The following TMEM205 variants were observed in gnomAD, a reference collection of about 807,000 sequenced individuals.
The protein encoded by TMEM205 is transmembrane protein 205, also known as MBC3205.
Under a neutral mutation model 17.9 loss-of-function variants are expected in TMEM205, and 11 were observed. That is an observed-to-expected ratio of 0.61 (90% confidence interval 0.39 to 1.02). The LOEUF (loss-of-function observed/expected upper bound fraction) is 1.02. TMEM205 is among the 50% of genes least tolerant of loss of function. The pLI is 0.01. For synonymous variants in TMEM205, 86 were observed against 97.4 expected (o/e 0.88, Z 0.69); for missense variants, 236 against 239.4 (o/e 0.99, Z 0.09).
chr19:11,345,354 G>C lies in TMEM205; in HGVS notation c.162C>G (p.Phe54Leu). ...CCATGGAGATGTGGAAGTAGAAGGG[G>C]AAGAGTTTGCTCTGCACTAGTCCGA... is the stretch of plus-strand genomic sequence containing the variant. The part of the protein sequence containing the change: ...HTFGLVQSKL[F>L]PFYFHISMGC... Residue 54 changes from phenylalanine (F) to leucine (L), a missense_variant, in exon 2 of 3, where the codon TTC (phenylalanine) becomes TTG (leucine). By Grantham distance (22) the Phe-to-Leu change is conservative (BLOSUM62 0). Transcript: ENST00000354882. 1 of 1,614,222 alleles carries C rather than the reference G, an allele frequency of 6.2e-7. No individual in the cohort carries two copies. Among genetic ancestry groups the C allele is most frequent in the East Asian group, 2.2e-5 (1 of 44,892 alleles).
chr19:11,345,162 T>G (rs1036477590), intron 2 of TMEM205, 90 bp downstream of exon 2: 1 of 1,419,548 alleles, frequency 7.0e-7, no homozygotes, highest in Non-Finnish European at 9.6e-7. Context: ...AGCCTTTTTT[T>G]TTCCCCCCCT....
At chr19:11,344,178 C>T (rs1039179955) in intron 2 of TMEM205, among the ~76,000 whole-genome samples, 20 of 151,716 alleles carry the variant, frequency 1.3e-4, no homozygotes, top group Admixed American at 7.9e-4. Context: ...CTCCTGACCT[C>T]GTGATCCACC....
At position 11,345,553 on chromosome 19, in the gene TMEM205, A is replaced by C; in HGVS notation, c.67T>G (p.Trp23Gly). The C allele has an allele frequency of 6.2e-7, 1 of 1,614,100 alleles. No homozygotes were observed. Among genetic ancestry groups the C allele is most frequent in the Non-Finnish European group, 8.5e-7 (1 of 1,180,016 alleles). The change falls in exon 1 of 3, where the codon TGG becomes GGG. Residue 23 changes from tryptophan (W) to glycine (G), a missense_variant. By Grantham distance (184) the Trp-to-Gly change is radical (BLOSUM62 -2). Transcript: ENST00000354882. ...MVHLLVLSGA[W>G]GMQMWVTFVS... ...AAGGTCACCCACATTTGCATGCCCC[A>C]GGCACCTGACAAGACCAGTAGATGG...
At position 11,345,426 on chromosome 19, in the gene TMEM205, T is replaced by TG; in HGVS notation, c.101-12dup. On this transcript the variant is annotated splice_polypyrimidine_tract_variant and intron_variant, in intron 1 of 2. Transcript: ENST00000354882. ...GGAAAAGCAGGAAGCCTGCAGGGTA[T>TG]GGGGACCACAGGGGTGTTAGGGCAC... 1 of 1,614,122 alleles carries TG rather than the reference T, an allele frequency of 6.2e-7. No homozygotes were observed. Among genetic ancestry groups the TG allele is most frequent in the East Asian group, 2.2e-5 (1 of 44,886 alleles).
At chr19:11,344,213 G>C (rs945753284) in intron 2 of TMEM205, among the ~76,000 whole-genome samples, 1 of 151,936 alleles carries the variant, frequency 6.6e-6, no homozygotes, top group African/African-American at 2.4e-5. Context: ...AAAGTGCTGG[G>C]ATTACAGGCA....
Position 11,345,699 on chromosome 19 carries a change from C to A in TMEM205, c.-80G>T. ...TGCGTGGCCTTCAGACCCTGTGAGCCCGCTCGGGGACAGGGTTACGGCCAA... is the reference window on the plus strand; with the variant it reads ...TGCGTGGCCTTCAGACCCTGTGAGCACGCTCGGGGACAGGGTTACGGCCAA... On this transcript the variant is annotated 5_prime_UTR_variant, in exon 1 of 3. Transcript: ENST00000354882. The A allele has an allele frequency of 6.3e-7, 1 of 1,577,414 alleles. No individual in the cohort carries two copies. The highest frequency in any genetic ancestry group is 1.9e-5 in the Admixed American group (1 of 53,900).
chr19:11,344,040 G>A (rs954693630), intron 2 of TMEM205, among the ~76,000 whole-genome samples: 4 of 151,228 alleles, frequency 2.6e-5, no homozygotes, highest in Admixed American at 1.3e-4. Context: ...CGCCTCCTGG[G>A]TTCAAGCAAT....
At chr19:11,343,379 C>T (rs1382585998) in intron 2 of TMEM205, among the ~76,000 whole-genome samples, 1 of 152,232 alleles carries the variant, frequency 6.6e-6, no homozygotes, top group Non-Finnish European at 1.5e-5. Flanking sequence ...CCTCCCGAGC[C>T]TCTTCTCCTC....
chr19:11,343,101 C>T lies in TMEM205; in HGVS notation c.284G>A (p.Ser95Asn). Residue 95 changes from serine to asparagine, a missense_variant, in exon 3 of 3, where the codon AGC (serine) becomes AAC (asparagine). Transcript: ENST00000354882. ...EASQLYLLFL[S>N]LTLATVNARW... The stretch of plus-strand genomic sequence containing the variant: ...GGCGTTGACAGTGGCCAGCGTAAGG[C>T]TCAGGAACAGCAGGTAAAGCTGGCA... 6.2e-7 allele frequency: 1 copy of T among 1,611,762 alleles called. No individual in the cohort carries two copies. Among genetic ancestry groups the T allele is most frequent in the Non-Finnish European group, 8.5e-7 (1 of 1,178,932 alleles).
At position 11,345,744 on chromosome 19, in the gene TMEM205, A is replaced by G. The variant is rs1967185149; in HGVS notation, c.-125T>C. 1 of 1,467,986 alleles carries G rather than the reference A, an allele frequency of 6.8e-7. No individual in the cohort carries two copies. The highest frequency in any genetic ancestry group is 1.4e-5 in the African/African-American group (1 of 70,818). 90.9% of individuals were successfully genotyped at this position (1,467,986 alleles called of 1,614,324 possible). A position where few individuals can be genotyped will look rare whatever the true frequency, so the allele number is the denominator to read the frequency against. On this transcript the variant is annotated 5_prime_UTR_variant, in exon 1 of 3. Transcript: ENST00000354882. The stretch of plus-strand genomic sequence containing the variant: ...GGCCAATCCAGCAGAGATTCTGGCA[A>G]AGCATCCCGGGAATGAGAGTGAGAA...
chr19:11,345,134 G>A lies in TMEM205; in HGVS notation c.264+118C>T. ...GCCTCCCAAAGTGTTGGGATTACAG[G>A]CGTGAGCCACCATGCCTAGCCTTTT... On this transcript the variant is annotated intron_variant, in intron 2 of 2. Coordinates refer to ENST00000354882, the MANE Select transcript of TMEM205 (RefSeq NM_198536.3). 4 of 1,126,194 alleles carry A rather than the reference G, an allele frequency of 3.6e-6. No homozygotes were observed. The South Asian group carries it at 6.3e-5, about 18-fold the overall frequency. 69.8% of individuals were successfully genotyped at this position (1,126,194 alleles called of 1,614,324 possible). A position where few individuals can be genotyped will look rare whatever the true frequency, so the allele number is the denominator to read the frequency against.
In TMEM205 at chr19:11,345,165, C is replaced by G. The variant is rs966023465; in HGVS notation, c.264+87G>C. 6 of 1,279,784 alleles carry G rather than the reference C, an allele frequency of 4.7e-6. No homozygotes were observed. In the African/African-American group the frequency reaches 9.0e-5, roughly 19 times the overall value. The allele number at this position is 1,279,784 out of a possible 1,614,324, so 79.3% of individuals were successfully genotyped here. On this transcript the variant is annotated intron_variant, in intron 2 of 2. Transcript: ENST00000354882. ...GCCACCATGCCTAGCCTTTTTTTTT[C>G]CCCCCCTGGAAAAGGTGTAGCCATA...
Position 11,342,802 on chromosome 19 carries a change from T to G in TMEM205, c.*13A>C, listed in dbSNP as rs756092065. 6.2e-7 allele frequency: 1 copy of G among 1,605,048 alleles called. No homozygotes were observed. Among genetic ancestry groups the G allele is most frequent in the South Asian group, 1.1e-5 (1 of 90,404 alleles). On this transcript the variant is annotated 3_prime_UTR_variant, in exon 3 of 3. Coordinates refer to ENST00000354882, the MANE Select transcript of TMEM205 (RefSeq NM_198536.3). Reference sequence around the variant, plus strand: ...ATTTCTGAAGAAGCATTTATTAGCATGCAGGGCCCATGCTAGAGGCTCCTT... The same window carrying G: ...ATTTCTGAAGAAGCATTTATTAGCAGGCAGGGCCCATGCTAGAGGCTCCTT...
rs1375562681 is a variant in TMEM205 at position 11,345,700 on chromosome 19, C to T, written c.-81G>A. On this transcript the variant is annotated 5_prime_UTR_variant, in exon 1 of 3. Coordinates refer to ENST00000354882, the MANE Select transcript of TMEM205 (RefSeq NM_198536.3). ...GCGTGGCCTTCAGACCCTGTGAGCCCGCTCGGGGACAGGGTTACGGCCAAT... is the reference window on the plus strand; with the variant it reads ...GCGTGGCCTTCAGACCCTGTGAGCCTGCTCGGGGACAGGGTTACGGCCAAT... The T allele has an allele frequency of 2.5e-6, 4 of 1,573,170 alleles. No homozygotes were observed. The highest frequency in any genetic ancestry group is 2.3e-5 in the East Asian group (1 of 43,518).
In TMEM205 at chr19:11,345,549, C is replaced by T. The variant is rs927219297; in HGVS notation, c.71G>A (p.Gly24Asp). 4.3e-6 allele frequency: 7 copies of T among 1,614,088 alleles called. No homozygotes were observed. The highest frequency in any genetic ancestry group is 5.9e-6 in the Non-Finnish European group (7 of 1,179,994). The stretch of plus-strand genomic sequence containing the variant: ...GACGAAGGTCACCCACATTTGCATG[C>T]CCCAGGCACCTGACAAGACCAGTAG... ...VHLLVLSGAW[G>D]MQMWVTFVSG... The change falls in exon 1 of 3, where the codon GGC becomes GAC. Residue 24 changes from glycine to aspartate, a missense_variant. By Grantham distance (94) the Gly-to-Asp change is moderately conservative (BLOSUM62 -1). Transcript: ENST00000354882.
intron 2 of TMEM205, 31 bp downstream of exon 2, chr19:11,345,221 C>T (rs373128032): frequency 1.2e-6 from 2 of 1,612,366 alleles, no homozygotes; most frequent in Middle Eastern, 1.7e-4. Flanking sequence ...GAACAAGTCT[C>T]CAGAGGGCAG....
rs1454611353 is a variant in TMEM205 at position 11,345,298 on chromosome 19, G to T, written c.218C>A (p.Ala73Asp). 1 of 1,614,174 alleles carries T rather than the reference G, an allele frequency of 6.2e-7. No individual in the cohort carries two copies. Among genetic ancestry groups the T allele is most frequent in the Non-Finnish European group, 8.5e-7 (1 of 1,180,028 alleles). ...GAGCTGAGCCCAAGCATGCTGTGAAGCCAAGATGCAGAGGTTGATGAAGGC... is the reference window on the plus strand; with the variant it reads ...GAGCTGAGCCCAAGCATGCTGTGAATCCAAGATGCAGAGGTTGATGAAGGC... ...GCAFINLCIL[A>D]SQHAWAQLTF... The change falls in exon 2 of 3, where the codon GCT (alanine) becomes GAT (aspartate). Residue 73 changes from alanine (A) to aspartate (D), a missense_variant. Ala to Asp is a moderately radical substitution (Grantham distance 126). Coordinates refer to ENST00000354882, the MANE Select transcript of TMEM205 (RefSeq NM_198536.3).
At chr19:11,345,006 C>G (rs1657903316) in intron 2 of TMEM205, among the ~76,000 whole-genome samples, 1 of 152,108 alleles carries the variant, frequency 6.6e-6, no homozygotes, top group South Asian at 2.1e-4. Context: ...CAGGTGCACA[C>G]CACCACGCCT....
intron 2 of TMEM205, 64 bp from the exon 3 acceptor site, chr19:11,343,184 GTCTT>G: frequency 3.4e-6 from 4 of 1,173,280 alleles, no homozygotes; most frequent in Non-Finnish European, 4.9e-6. Context: ...CCTAGGGAGG[GTCTT>G]TCTGCATCCT....
Sources: gnomAD v4.1 joint callset for allele counts (sites outside exome capture counted in the v4.1 genomes callset) on GRCh38, gnomAD v4.1.1 for gene constraint, MANE v1.5 for transcripts, NCBI Gene and HGNC (gene_info 2026-07-23, HGNC 2026-07-21) for gene names.